The following VPS13C variants were observed in gnomAD, a reference collection of about 807,000 sequenced individuals.
VPS13C encodes the protein vacuolar protein sorting 13 homolog C.
A neutral mutation model predicts 456.8 loss-of-function variants in VPS13C; 358 were observed. The ratio of observed to expected loss-of-function variants is 0.78; its 90% confidence interval spans 0.72 to 0.86. The LOEUF (loss-of-function observed/expected upper bound fraction) is 0.86. VPS13C is among the 40% of genes least tolerant of loss of function. The pLI, the probability that VPS13C is intolerant of heterozygous loss-of-function variation, is 0.00. For missense variants in VPS13C, 4,818 were observed against 4,385.4 expected, an observed-to-expected ratio of 1.10 and a Z score of -2.79; for synonymous variants, 1,578 against 1,486.7, an observed-to-expected ratio of 1.06 and a Z score of -1.41.
chr15:61,955,782 AG>A (rs1472620936), intron 37 of VPS13C, among the ~76,000 whole-genome samples: 1 of 152,168 alleles, frequency 6.6e-6, no homozygotes, highest in Non-Finnish European at 1.5e-5. Context: ...AAAGACTGAA[AG>A]GCCACCAGTC....
Position 61,983,912 on chromosome 15 carries a change from G to A in VPS13C, c.1822C>T (p.Leu608Phe), listed in dbSNP as rs769691642. 2 of 1,614,124 alleles carry A rather than the reference G, an allele frequency of 1.2e-6. No individual in the cohort carries two copies. The highest frequency in any genetic ancestry group is 3.3e-4 in the Middle Eastern group (2 of 6,060). Residue 608 changes from leucine (L) to phenylalanine (F), a missense_variant, in exon 20 of 85, where the codon CTT becomes TTT. By Grantham distance (22) the Leu-to-Phe change is conservative. Around this residue, in one of 3 missense-constraint regions of VPS13C, gnomAD observed 4,552 missense variants for 4,130.6 expected, o/e 1.10. Coordinates refer to ENST00000644861, the MANE Select transcript of VPS13C (RefSeq NM_020821.3). Reference protein sequence around the residue: ...ASIGDTTSSLLKIKFETNPED... With the variant: ...ASIGDTTSSLFKIKFETNPED... ...GGATTGGTTTCAAATTTAATTTTAAGCAAGGATGATGTAGTGTCACCAATT... is the reference window on the plus strand; with the variant it reads ...GGATTGGTTTCAAATTTAATTTTAAACAAGGATGATGTAGTGTCACCAATT...
intron 47 of VPS13C, among the ~76,000 whole-genome samples, chr15:61,938,297 A>G (rs144218703): frequency 2.6e-5 from 4 of 152,156 alleles, no homozygotes; most frequent in Admixed American, 6.5e-5. Context: ...ATGAAGGACA[A>G]TTTTGAAAGG....
At chr15:61,882,850 A>AAG in intron 68 of VPS13C, 114 bp from the exon 69 acceptor site, 1 of 1,136,534 alleles carries the variant, frequency 8.8e-7, no homozygotes, top group Non-Finnish European at 1.2e-6. Context: ...ATGTCTCACC[A>AAG]ACAGATCTAT....
intron 22 of VPS13C, among the ~76,000 whole-genome samples, chr15:61,981,000 T>C (rs1028127741): frequency 3.3e-5 from 5 of 152,176 alleles, no homozygotes; most frequent in East Asian, 1.9e-4. Flanking sequence ...CATTCATATA[T>C]GTACAATTTC....
At chr15:61,917,701 A>T in intron 59 of VPS13C, 66 bp from the exon 60 acceptor site, 1 of 1,512,582 alleles carries the variant, frequency 6.6e-7, no homozygotes, top group East Asian at 2.3e-5. Flanking sequence ...CATCTCATTA[A>T]ATCTTCCTGA....
In VPS13C at chr15:62,008,737, C is replaced by T. The variant is rs980765462; in HGVS notation, c.1036G>A (p.Glu346Lys). Residue 346 changes from glutamate (E) to lysine (K), a missense_variant, in exon 14 of 85, where the codon GAG (glutamate) becomes AAG (lysine). This residue lies in a region of VPS13C where 4,552 missense variants were observed against 4,130.6 expected (regional missense o/e 1.10). Transcript: ENST00000644861. ...TTCCTAACCATATAATCCACTGACT[C>T]CAAAAGGTCAATCATACTTAAGTAC... ...PQYLSMIDLLESVDYMVRNAP... is the reference protein window; with the variant it reads ...PQYLSMIDLLKSVDYMVRNAP... 3 of 1,602,480 alleles carry T rather than the reference C, an allele frequency of 1.9e-6. No homozygotes were observed. In the Admixed American group the frequency reaches 5.1e-5, roughly 27 times the overall value.
intron 38 of VPS13C, among the ~76,000 whole-genome samples, chr15:61,953,914 T>C (rs980293450): frequency 6.6e-6 from 1 of 152,186 alleles, no homozygotes; most frequent in Non-Finnish European, 1.5e-5. Flanking sequence ...TTTTCCTGCA[T>C]GAGTTCAGAC....
chr15:61,950,332 C>A, intron 41 of VPS13C, 26 bp downstream of exon 41: 1 of 1,577,278 alleles, frequency 6.3e-7, no homozygotes, highest in African/African-American at 1.3e-5. Context: ...ACAACCCAAC[C>A]TTATAGCAAA....
intron 66 of VPS13C, 175 bp downstream of exon 66, chr15:61,907,089 G>A (rs986657675): frequency 3.9e-6 from 3 of 766,362 alleles, no homozygotes; most frequent in African/African-American, 3.5e-5. Context: ...TAGAGCTAAG[G>A]TAATATACTG....
rs541787373 is a variant in VPS13C, at chr15:62,030,884, C to T, written c.386-2464G>A. 3.8e-3 allele frequency among the ~76,000 whole-genome samples: 579 copies of T among 152,076 alleles called. 1 individual carries two copies. The highest frequency in any genetic ancestry group is 5.0e-3 in the Admixed American group (77 of 15,258). On this transcript the variant is annotated intron_variant, in intron 5 of 84. Transcript: ENST00000644861. Reference sequence around the variant, plus strand: ...AGCAAAGGATGAAACAAGGGACTGCCATTTTTTATCATGTCATTTTGGCAA... The same window carrying T: ...AGCAAAGGATGAAACAAGGGACTGCTATTTTTTATCATGTCATTTTGGCAA...
chr15:61,889,093 G>A (rs908605931), intron 67 of VPS13C, among the ~76,000 whole-genome samples: 1 of 151,978 alleles, frequency 6.6e-6, no homozygotes, highest in African/African-American at 2.4e-5. Context: ...TGTGTACCAT[G>A]TCATAAAAAA....
chr15:61,903,893 T>C (rs944484894), intron 66 of VPS13C, among the ~76,000 whole-genome samples: 7 of 152,146 alleles, frequency 4.6e-5, no homozygotes, highest in Admixed American at 4.6e-4. Context: ...GACAGTGTCT[T>C]CAACAAATGG....
At chr15:61,871,422 C>T (rs150743497) in intron 79 of VPS13C, among the ~76,000 whole-genome samples, 29 of 152,220 alleles carry the variant, frequency 1.9e-4, no homozygotes, top group African/African-American at 7.0e-4. Flanking sequence ...CTATTTCTGA[C>T]TCCTTCTGAA....
chr15:62,050,377 A>G (rs529845053), intron 1 of VPS13C, among the ~76,000 whole-genome samples: 1 of 152,368 alleles, frequency 6.6e-6, no homozygotes, highest in Admixed American at 6.5e-5. Context: ...CACAGTAAGT[A>G]GTCTGTGCTT....
chr15:61,884,006 T>A, intron 68 of VPS13C, 122 bp downstream of exon 68: 3 of 824,176 alleles, frequency 3.6e-6, no homozygotes, highest in Non-Finnish European at 5.3e-6. Flanking sequence ...GAAATAAAAG[T>A]TTATCTACCA....
At chr15:61,877,219 A>G (rs1372295277) in intron 74 of VPS13C, 165 bp from the exon 75 acceptor site, 1 of 473,934 alleles carries the variant, frequency 2.1e-6, no homozygotes, top group Non-Finnish European at 3.7e-6. Context: ...TGGTTACTAA[A>G]TTATTATAAA....
chr15:61,870,970 T>C (rs1460590774), intron 79 of VPS13C, among the ~76,000 whole-genome samples: 2 of 152,214 alleles, frequency 1.3e-5, no homozygotes, highest in Non-Finnish European at 2.9e-5. Flanking sequence ...CTTTTTATTG[T>C]TGATTTTTAA....
chr15:61,966,542 C>T (rs1427817430), intron 29 of VPS13C, among the ~76,000 whole-genome samples: 1 of 151,844 alleles, frequency 6.6e-6, no homozygotes, highest in Non-Finnish European at 1.5e-5. Flanking sequence ...CTTTAGAAAG[C>T]TTTTATTTAA....
In VPS13C at chr15:61,863,455, A is replaced by C. The variant is rs760364723; in HGVS notation, c.10937T>G (p.Leu3646Arg). ...CAIPGSKKTI[L>R]MVTNRRVLCI... ...AAGTCAGTACCTATTTGTAACCATAAGGATTGTCTTCTTGCTTCCAGGAAT... is the reference window on the plus strand; with the variant it reads ...AAGTCAGTACCTATTTGTAACCATACGGATTGTCTTCTTGCTTCCAGGAAT... Residue 3646 changes from leucine (L) to arginine (R), a missense_variant, in exon 82 of 85, where the codon CTT becomes CGT. Transcript: ENST00000644861. 6.2e-7 allele frequency: 1 copy of C among 1,612,338 alleles called. No individual in the cohort carries two copies. Among genetic ancestry groups the C allele is most frequent in the Non-Finnish European group, 8.5e-7 (1 of 1,178,868 alleles).
Sources: allele counts gnomAD v4.1 joint callset (sites outside exome capture counted in the v4.1 genomes callset), GRCh38; gene constraint gnomAD v4.1.1; regional missense constraint gnomAD v4.1.1; transcripts MANE v1.5; gene names NCBI Gene and HGNC (gene_info 2026-07-23, HGNC 2026-07-21).